The following DNM3 variants were observed in gnomAD, a reference collection of about 807,000 sequenced individuals.
DNM3 encodes dynamin 3.
In DNM3, 47 loss-of-function variants were observed where a neutral mutation model predicts 101.6. The observed-to-expected ratio is 0.46, with a 90% CI of 0.37 to 0.59. The LOEUF (loss-of-function observed/expected upper bound fraction) is 0.59. DNM3 is among the 20% of genes least tolerant of loss of function. The pLI is 0.00. For synonymous variants in DNM3, 385 were observed against 387.9 expected, an observed-to-expected ratio of 0.99 and a Z score of 0.09; for missense variants, 849 against 1,085.7, an observed-to-expected ratio of 0.78 and a Z score of 3.06.
intron 17 of DNM3, among the ~76,000 whole-genome samples, chr1:172,367,490 C>A (rs190068719): frequency 1.4e-3 from 220 of 151,726 alleles, no homozygotes; most frequent in African/African-American, 5.1e-3. Context: ...CAGAACACCA[C>A]CAAACTGCAA....
intron 20 of DNM3, among the ~76,000 whole-genome samples, chr1:172,402,581 T>C (rs1393944119): frequency 6.6e-6 from 1 of 152,198 alleles, no homozygotes; most frequent in Non-Finnish European, 1.5e-5. Flanking sequence ...TAACTACTTA[T>C]GCTGGACTTC....
intron 17 of DNM3, among the ~76,000 whole-genome samples, chr1:172,341,973 T>C (rs1377767131): frequency 6.6e-6 from 1 of 152,020 alleles, no homozygotes; most frequent in Non-Finnish European, 1.5e-5. Flanking sequence ...CAAAAGAAGA[T>C]ACATCCAGCC....
intron 15 of DNM3, among the ~76,000 whole-genome samples, chr1:172,304,598 T>C (rs1312856828): frequency 6.6e-6 from 1 of 152,046 alleles, no homozygotes; most frequent in Non-Finnish European, 1.5e-5. Flanking sequence ...CATCACCACA[T>C]CCCACTTATT....
chr1:172,290,590 C>A (rs1029868584), intron 15 of DNM3, among the ~76,000 whole-genome samples: 1 of 152,062 alleles, frequency 6.6e-6, no homozygotes, highest in Non-Finnish European at 1.5e-5. Context: ...GGATAGTAAA[C>A]AGGGTGGTGA....
rs546896393 is a variant in DNM3, at chr1:171,992,900, A to G, written c.589+3752A>G. Among the ~76,000 whole-genome samples the G allele has an allele frequency of 1.6e-4, 24 of 152,100 alleles. No homozygotes were observed. In the East Asian group the frequency reaches 3.1e-3, roughly 20 times the overall value. On this transcript the variant is annotated intron_variant, in intron 4 of 20. Transcript: ENST00000627582. ...TTTTGTTATTTTCTTAGTGGTTGCC[A>G]TAGGATTACAATTAACATCTTAATT...
chr1:171,985,234 AAC>A (rs1491338587), intron 2 of DNM3, among the ~76,000 whole-genome samples: 1 of 152,190 alleles, frequency 6.6e-6, no homozygotes, highest in African/African-American at 2.4e-5. Context: ...CATTGAAAAA[AAC>A]ACAGTTCCAT....
At chr1:172,335,423 A>C (rs1248138994) in intron 17 of DNM3, among the ~76,000 whole-genome samples, 1 of 152,204 alleles carries the variant, frequency 6.6e-6, no homozygotes, top group Non-Finnish European at 1.5e-5. Flanking sequence ...TATAATTATG[A>C]TGAATTATAG....
intron 8 of DNM3, among the ~76,000 whole-genome samples, chr1:172,043,326 A>G (rs1393954123): frequency 6.6e-6 from 1 of 152,172 alleles, no homozygotes; most frequent in East Asian, 1.9e-4. Context: ...GAAGTGAATT[A>G]GGAGTTCTGT....
intron 4 of DNM3, among the ~76,000 whole-genome samples, chr1:172,013,733 G>A (rs2047272634): frequency 6.6e-6 from 1 of 152,010 alleles, no homozygotes; most frequent in African/African-American, 2.4e-5. Flanking sequence ...GAGCTGATGG[G>A]AATGGGATTA....
At chr1:172,251,698 G>A (rs1470002127) in intron 14 of DNM3, among the ~76,000 whole-genome samples, 1 of 151,998 alleles carries the variant, frequency 6.6e-6, no homozygotes, top group Non-Finnish European at 1.5e-5. Context: ...AACAAGCCAA[G>A]GACATTGTGT....
At chr1:171,844,378 T>G (rs905426968) in intron 1 of DNM3, among the ~76,000 whole-genome samples, 1 of 152,234 alleles carries the variant, frequency 6.6e-6, no homozygotes, top group African/African-American at 2.4e-5. Context: ...TCATCACTTG[T>G]GTAAATTCAT....
At chr1:172,344,442 C>G (rs988177870) in intron 17 of DNM3, among the ~76,000 whole-genome samples, 1 of 152,200 alleles carries the variant, frequency 6.6e-6, no homozygotes. Flanking sequence ...GACACCTTCA[C>G]AAATGTGTTA....
chr1:172,284,088 G>A (rs577781532), intron 15 of DNM3, among the ~76,000 whole-genome samples: 33 of 152,134 alleles, frequency 2.2e-4, no homozygotes, highest in Non-Finnish European at 4.3e-4. Context: ...CAGCTGCTAC[G>A]TTTTCCTGGA....
intron 3 of DNM3, among the ~76,000 whole-genome samples, chr1:171,988,317 C>T (rs959106000): frequency 1.3e-5 from 2 of 152,078 alleles, no homozygotes; most frequent in African/African-American, 4.8e-5. Flanking sequence ...ATTTTCATTT[C>T]TTATTCCCTA....
At chr1:172,068,976 A>G (rs1049656427) in intron 11 of DNM3, 71 bp downstream of exon 11, 1 of 1,302,266 alleles carries the variant, frequency 7.7e-7, no homozygotes, top group South Asian at 1.3e-5. Context: ...GTTGTCTGGT[A>G]GTTCCCAACA....
At chr1:172,064,725 C>G (rs2051517221) in intron 10 of DNM3, among the ~76,000 whole-genome samples, 1 of 152,056 alleles carries the variant, frequency 6.6e-6, no homozygotes, top group Admixed American at 6.6e-5. Context: ...AAGATTTTGA[C>G]TCTTATACTC....
chr1:171,894,366 C>T (rs184626387), intron 1 of DNM3, among the ~76,000 whole-genome samples: 33 of 152,204 alleles, frequency 2.2e-4, no homozygotes, highest in African/African-American at 7.7e-4. Context: ...TCTGGTCTTT[C>T]CTCAAAAGCT....
intron 4 of DNM3, among the ~76,000 whole-genome samples, chr1:172,006,742 C>CA (rs1053973055): frequency 1.3e-5 from 2 of 152,036 alleles, no homozygotes; most frequent in Admixed American, 6.6e-5. Context: ...TGACAAATGT[C>CA]AACCCATGTA....
intron 16 of DNM3, among the ~76,000 whole-genome samples, chr1:172,313,468 C>G (rs1204530483): frequency 6.6e-6 from 1 of 152,148 alleles, no homozygotes; most frequent in Non-Finnish European, 1.5e-5. Flanking sequence ...GTTTTGTTGG[C>G]TTACAATATT....
Sources: gnomAD v4.1 joint callset for allele counts (sites outside exome capture counted in the v4.1 genomes callset) on GRCh38, gnomAD v4.1.1 for gene constraint, MANE v1.5 for transcripts, NCBI Gene and HGNC (gene_info 2026-07-23, HGNC 2026-07-21) for gene names.